Variants in NOL4 observed in about 807,000 individuals in gnomAD.
NOL4 encodes nucleolar protein 4.
NOL4 carries 17 observed loss-of-function variants against 75.9 expected under a neutral mutation model. That is an observed-to-expected ratio of 0.22 (90% confidence interval 0.15 to 0.34). The LOEUF (loss-of-function observed/expected upper bound fraction) is 0.34, where lower values mean the gene tolerates loss of function less well. Ranked by LOEUF, NOL4 falls within the 10% of genes least tolerant of loss-of-function variation. The pLI is 1.00. For synonymous variants in NOL4, 292 were observed against 289.9 expected (o/e 1.01, Z -0.07); for missense variants, 614 against 793.5 (o/e 0.77, Z 2.72).
chr18:34,183,120 T>C (rs189752081), intron 1 of NOL4, among the ~76,000 whole-genome samples: 23 of 151,920 alleles, frequency 1.5e-4, no homozygotes, highest in Admixed American at 1.3e-4. Flanking sequence ...CAAAATAAGT[T>C]ACAGAGTAGG....
intron 1 of NOL4, among the ~76,000 whole-genome samples, chr18:34,162,642 T>G (rs543031161): frequency 2.4e-4 from 37 of 151,908 alleles, no homozygotes; most frequent in Non-Finnish European, 5.0e-4. Flanking sequence ...GATTCACAGC[T>G]GAATTCTACC....
At chr18:34,145,352 G>C (rs78779531) in intron 1 of NOL4, among the ~76,000 whole-genome samples, 2,953 of 151,888 alleles carry the variant, frequency 0.019, 108 homozygotes, top group African/African-American at 0.067. Flanking sequence ...TTATAAAGTA[G>C]CTCATGTAAT....
rs976632563 is a variant in NOL4, at chr18:34,065,144, G to C, written c.772+28321C>G. ...TTAGCAGAGAAAGGAGCTTAGTCTT[G>C]TTTAGAAACTAGCATAGAAATCCAG... On this transcript the variant is annotated intron_variant, in intron 5 of 10. Transcript: ENST00000261592. Among the ~76,000 whole-genome samples, 6 of 151,910 alleles carry C rather than the reference G, an allele frequency of 3.9e-5. No homozygotes were observed. The East Asian group carries it at 1.2e-3, about 29-fold the overall frequency.
chr18:34,090,693 G>T lies in NOL4; in HGVS notation c.772+2772C>A, dbSNP rs1021719133. On this transcript the variant is annotated intron_variant, in intron 5 of 10. Coordinates refer to ENST00000261592, the MANE Select transcript of NOL4 (RefSeq NM_003787.5). ...GGAGGCATTGTCCTTAAACATTAGC[G>T]TTGAAGGAGATGAGGACTAAGGGTT... Among the ~76,000 whole-genome samples the T allele has an allele frequency of 2.6e-5, 4 of 152,026 alleles. No individual in the cohort carries two copies. In the East Asian group the frequency reaches 7.7e-4, roughly 29 times the overall value.
At chr18:34,150,858 G>A (rs1028599380) in intron 1 of NOL4, among the ~76,000 whole-genome samples, 2 of 151,616 alleles carry the variant, frequency 1.3e-5, no homozygotes, top group Non-Finnish European at 3.0e-5. Context: ...ATCTGATAAA[G>A]GACTGTTATC....
At chr18:34,071,197 A>G (rs1355855862) in intron 5 of NOL4, among the ~76,000 whole-genome samples, 2 of 152,166 alleles carry the variant, frequency 1.3e-5, no homozygotes, top group East Asian at 1.9e-4. Flanking sequence ...ATCAAAATTT[A>G]TATTGTACCC....
At chr18:33,874,713 T>C (rs1277925316) in intron 10 of NOL4, among the ~76,000 whole-genome samples, 1 of 151,924 alleles carries the variant, frequency 6.6e-6, no homozygotes, top group African/African-American at 2.4e-5. Flanking sequence ...AGGTAAGAAG[T>C]GAAGGCAGTG....
intron 6 of NOL4, among the ~76,000 whole-genome samples, chr18:34,013,783 T>C (rs2074521555): frequency 6.6e-6 from 1 of 151,976 alleles, no homozygotes; most frequent in Non-Finnish European, 1.5e-5. Flanking sequence ...CTAGCCAAAA[T>C]GTGAATTCTT....
At chr18:33,899,992 A>T (rs2065652687) in intron 9 of NOL4, among the ~76,000 whole-genome samples, 1 of 152,180 alleles carries the variant, frequency 6.6e-6, no homozygotes, top group Non-Finnish European at 1.5e-5. Context: ...CAGAGATCAA[A>T]TTGTTAACCT....
chr18:34,114,871 C>CA (rs1030544299), intron 2 of NOL4, among the ~76,000 whole-genome samples: 93 of 128,750 alleles, frequency 7.2e-4, no homozygotes, highest in Middle Eastern at 7.7e-3. Flanking sequence ...GGAAAGCAGA[C>CA]AAAAAAAAAA....
intron 10 of NOL4, among the ~76,000 whole-genome samples, chr18:33,861,539 G>C (rs567758735): frequency 2.6e-5 from 4 of 151,068 alleles, no homozygotes; most frequent in African/African-American, 9.8e-5. Flanking sequence ...TTCTTTATTA[G>C]TCTTGCTAGC....
chr18:34,014,766 T>C (rs994485304), intron 6 of NOL4, among the ~76,000 whole-genome samples: 1 of 152,020 alleles, frequency 6.6e-6, no homozygotes, highest in Non-Finnish European at 1.5e-5. Flanking sequence ...TGCAATACAT[T>C]TAGTCCTTAG....
At chr18:34,167,643 T>C (rs952967910) in intron 1 of NOL4, among the ~76,000 whole-genome samples, 1 of 152,000 alleles carries the variant, frequency 6.6e-6, no homozygotes, top group African/African-American at 2.4e-5. Context: ...CTCACACATA[T>C]GTATGTGAAA....
At chr18:33,898,836 T>A (rs1169334068) in intron 9 of NOL4, among the ~76,000 whole-genome samples, 1 of 152,138 alleles carries the variant, frequency 6.6e-6, no homozygotes, top group Admixed American at 6.6e-5. Flanking sequence ...TGCAGAGCTC[T>A]TCAGAGTTTG....
intron 6 of NOL4, among the ~76,000 whole-genome samples, chr18:33,979,081 A>C (rs544268869): frequency 3.2e-4 from 48 of 152,202 alleles, no homozygotes; most frequent in African/African-American, 1.1e-3. Flanking sequence ...TTTACTCTTG[A>C]AGGTAGGTAT....
intron 1 of NOL4, among the ~76,000 whole-genome samples, chr18:34,216,549 A>G (rs1600906029): frequency 6.6e-6 from 1 of 151,454 alleles, no homozygotes; most frequent in South Asian, 2.1e-4. Flanking sequence ...TAATGTTTAA[A>G]ATGAAATTAC....
At chr18:34,121,635 A>C (rs1021414800) in intron 2 of NOL4, among the ~76,000 whole-genome samples, 2 of 152,204 alleles carry the variant, frequency 1.3e-5, no homozygotes, top group South Asian at 4.1e-4. Context: ...AGTCTGTGAG[A>C]TGACGACAGT....
chr18:33,983,562 T>C (rs1390009720), intron 6 of NOL4, among the ~76,000 whole-genome samples: 4 of 151,908 alleles, frequency 2.6e-5, no homozygotes, highest in Admixed American at 2.6e-4. Flanking sequence ...TAGGTATATG[T>C]ATGTGTATGT....
intron 5 of NOL4, among the ~76,000 whole-genome samples, chr18:34,073,852 A>G (rs1020406230): frequency 6.6e-6 from 1 of 152,082 alleles, no homozygotes; most frequent in Non-Finnish European, 1.5e-5. Flanking sequence ...GAAAGAAGGC[A>G]TAGTCATCTA....
Sources: gnomAD v4.1 joint callset for allele counts (sites outside exome capture counted in the v4.1 genomes callset) on GRCh38, gnomAD v4.1.1 for gene constraint, MANE v1.5 for transcripts, NCBI Gene and HGNC (gene_info 2026-07-23, HGNC 2026-07-21) for gene names.